The following IP6K3 variants were observed in gnomAD, a reference collection of about 807,000 sequenced individuals.
IP6K3 encodes ATP:1D-myo-inositol-hexakisphosphate phosphotransferase.
IP6K3 carries 20 observed loss-of-function variants against 28.8 expected under a neutral mutation model. The observed-to-expected ratio is 0.70, with a 90% CI of 0.49 to 1.01. The LOEUF is 1.01. Ranked by LOEUF, IP6K3 falls within the 50% of genes least tolerant of loss-of-function variation. IP6K3 has a pLI of 0.00. For synonymous variants in IP6K3, 213 were observed against 221.3 expected (o/e 0.96, Z 0.33); for missense variants, 480 against 537.1 (o/e 0.89, Z 1.05).
upstream of IP6K3, among the ~76,000 whole-genome samples, chr6:33,747,586 T>G (rs1026876299): frequency 2.0e-5 from 3 of 151,912 alleles, no homozygotes; most frequent in African/African-American, 7.3e-5. This position sits in a 1 kb window ranked among gnomAD's most constrained non-coding sequence, Gnocchi z 5.2. Flanking sequence ...CAGGGTCATT[T>G]GGTTGAGTGG....
chr6:33,729,016 T>G (rs1327441420), intron 2 of IP6K3, among the ~76,000 whole-genome samples: 1 of 152,208 alleles, frequency 6.6e-6, no homozygotes, highest in Admixed American at 6.5e-5. Flanking sequence ...TCCCCAACTG[T>G]GGTACATCCT....
chr6:33,744,047 C>T lies in IP6K3; in HGVS notation c.-180+2711G>A, dbSNP rs1766821184. ...AGAAACATGGGGGCAAGATGACTCA[C>T]GAAGTCAAGTGCCACTGGAAGGGCT... On this transcript the variant is annotated intron_variant, in intron 1 of 5. Coordinates refer to ENST00000293756, the MANE Select transcript of IP6K3 (RefSeq NM_054111.5). The surrounding 1 kb of genome is among the most constrained non-coding windows in gnomAD (Gnocchi z 4.4). Among the ~76,000 whole-genome samples, 1 of 152,104 alleles carries T rather than the reference C, an allele frequency of 6.6e-6. No homozygotes were observed. The highest frequency in any genetic ancestry group is 1.5e-5 in the Non-Finnish European group (1 of 68,036).
the IP6K3 span, among the ~76,000 whole-genome samples, chr6:33,752,138 G>T: frequency 6.6e-6 from 1 of 152,232 alleles, no homozygotes; most frequent in Non-Finnish European, 1.5e-5. Flanking sequence ...TTTAATCCAC[G>T]CAAGAGCCAA....
At chr6:33,740,571 T>G (rs1383060430) in intron 1 of IP6K3, among the ~76,000 whole-genome samples, 1 of 152,128 alleles carries the variant, frequency 6.6e-6, no homozygotes, top group Non-Finnish European at 1.5e-5. Context: ...CGTGAGTGGG[T>G]TTGGCTTCCA....
In IP6K3 at chr6:33,726,915, G is replaced by T. The variant is rs1200499613; in HGVS notation, c.414-9C>A. On this transcript the variant is annotated splice_polypyrimidine_tract_variant and intron_variant, in intron 3 of 5. Coordinates refer to ENST00000293756, the MANE Select transcript of IP6K3 (RefSeq NM_054111.5). ...GAAGAGCCTTGGCCGGGCTGCGGCG[G>T]AGTGGAGCACAGGACGGTCAGAGCA... 1.3e-6 allele frequency: 2 copies of T among 1,593,222 alleles called. No individual in the cohort carries two copies. Among genetic ancestry groups the T allele is most frequent in the Non-Finnish European group, 1.7e-6 (2 of 1,164,602 alleles).
Position 33,723,087 on chromosome 6 carries a change from T to C in IP6K3, c.866A>G (p.His289Arg). ...GFRQALYQFL[H>R]NGSHLRRELL... ...CTCCCTCCGGAGGTGGCTTCCATTA[T>C]GTAGGAACTGATAGAGGGCTTGTCT... Residue 289 changes from histidine to arginine, a missense_variant, in exon 6 of 6, where the codon CAT becomes CGT. Transcript: ENST00000293756. The C allele has an allele frequency of 6.2e-7, 1 of 1,614,214 alleles. No homozygotes were observed. Among genetic ancestry groups the C allele is most frequent in the Admixed American group, 1.7e-5 (1 of 60,028 alleles).
In IP6K3 at chr6:33,728,191, C is replaced by T. The variant is rs768197092; in HGVS notation, c.309G>A (p.Ala103=). Residue 103 remains alanine (A), a synonymous_variant, in exon 3 of 6, where the codon GCG becomes GCA. Coordinates refer to ENST00000293756, the MANE Select transcript of IP6K3 (RefSeq NM_054111.5). The part of the protein sequence containing the change: ...EPFKVSTESA[A]VAIWQTLQQT... ...GCTGGAGCGTCTGCCATATGGCCACCGCCGCCGACTCTGTGGAGACCTTGA... is the reference window on the plus strand; with the variant it reads ...GCTGGAGCGTCTGCCATATGGCCACTGCCGCCGACTCTGTGGAGACCTTGA... 2.3e-5 allele frequency: 37 copies of T among 1,613,764 alleles called. No homozygotes were observed. Among genetic ancestry groups the T allele is most frequent in the Non-Finnish European group, 3.0e-5 (35 of 1,180,056 alleles).
At position 33,725,565 on chromosome 6, in the gene IP6K3, A is replaced by G. The variant is rs1226375746; in HGVS notation, c.641T>C (p.Leu214Pro). Residue 214 changes from leucine (L) to proline (P), a missense_variant, in exon 5 of 6, where the codon CTG becomes CCG. Leu to Pro is a moderately conservative substitution (Grantham distance 98, BLOSUM62 -3). Coordinates refer to ENST00000293756, the MANE Select transcript of IP6K3 (RefSeq NM_054111.5). ...VVSQYTHPCV[L>P]DLKMGTRQHG... ...CTGCCGGGTCCCCATCTTCAGATCC[A>G]GGACACAGGGATGCGTGTACTGTGA... 1.2e-6 allele frequency: 2 copies of G among 1,614,092 alleles called. No individual in the cohort carries two copies. Among genetic ancestry groups the G allele is most frequent in the African/African-American group, 2.7e-5 (2 of 74,940 alleles).
chr6:33,755,606 T>C, the IP6K3 span, among the ~76,000 whole-genome samples: 113,473 of 152,218 alleles, frequency 0.75, 43,486 homozygotes, highest in East Asian at 0.96. Flanking sequence ...TTTTGTGTGG[T>C]GGCCCTCCCT....
intron 2 of IP6K3, among the ~76,000 whole-genome samples, chr6:33,729,446 G>A (rs947367116): frequency 1.3e-5 from 2 of 152,216 alleles, no homozygotes; most frequent in Admixed American, 1.3e-4. Flanking sequence ...GTATACCAGT[G>A]GCTCCCTTGC....
chr6:33,744,334 G>C lies in IP6K3; in HGVS notation c.-180+2424C>G, dbSNP rs1324561565. On this transcript the variant is annotated intron_variant, in intron 1 of 5. Coordinates refer to ENST00000293756, the MANE Select transcript of IP6K3 (RefSeq NM_054111.5). The surrounding 1 kb of genome is among the most constrained non-coding windows in gnomAD (Gnocchi z 4.4). ...TGCCTTCCTCTAAGTAATATGATCA[G>C]CCACCACCTGTCTTGTGCAAGAGAC... Among the ~76,000 whole-genome samples the C allele has an allele frequency of 6.6e-6, 1 of 152,184 alleles. No homozygotes were observed. Among genetic ancestry groups the C allele is most frequent in the African/African-American group, 2.4e-5 (1 of 41,444 alleles).
Position 33,725,467 on chromosome 6 carries a change from G to T in IP6K3, c.739C>A (p.Leu247Met). ...TGCATGCCGCAGATGCGCACACCCA[G>T]GCAGGCTGAGGTGCTCTGCGCACAC... is the stretch of plus-strand genomic sequence containing the variant. The part of the protein sequence containing the change: ...RKCAQSTSAC[L>M]GVRICGMQVY... The change falls in exon 5 of 6, where the codon CTG (leucine) becomes ATG (methionine). Residue 247 changes from leucine to methionine, a missense_variant. Coordinates refer to ENST00000293756, the MANE Select transcript of IP6K3 (RefSeq NM_054111.5). 1.9e-6 allele frequency: 3 copies of T among 1,612,464 alleles called. No individual in the cohort carries two copies. The highest frequency in any genetic ancestry group is 1.3e-5 in the African/African-American group (1 of 75,044).
the IP6K3 span, among the ~76,000 whole-genome samples, chr6:33,755,674 C>A: frequency 2.6e-5 from 4 of 152,234 alleles, no homozygotes; most frequent in Non-Finnish European, 4.4e-5. Flanking sequence ...GCCTGCCACA[C>A]CCACTGGGGG....
intron 1 of IP6K3, among the ~76,000 whole-genome samples, chr6:33,738,892 A>G (rs1766623481): frequency 6.6e-6 from 1 of 152,120 alleles, no homozygotes; most frequent in Admixed American, 6.5e-5. Context: ...CATTCAGTAC[A>G]TGGGCTAGGA....
At chr6:33,755,287 C>T in the IP6K3 span, among the ~76,000 whole-genome samples, 1 of 152,270 alleles carries the variant, frequency 6.6e-6, no homozygotes, top group African/African-American at 2.4e-5. Flanking sequence ...GCCCCCAGAG[C>T]TCCTCTGGTG....
the IP6K3 span, among the ~76,000 whole-genome samples, chr6:33,752,986 C>A: frequency 1.3e-5 from 2 of 152,078 alleles, no homozygotes; most frequent in Non-Finnish European, 2.9e-5. Context: ...TTCTGTTGCC[C>A]AGGCTGGATT....
the IP6K3 span, among the ~76,000 whole-genome samples, chr6:33,754,340 G>A: frequency 1.3e-5 from 2 of 152,262 alleles, no homozygotes; most frequent in African/African-American, 2.4e-5. Flanking sequence ...AGGAAGGTGC[G>A]GGGCTGGGGC....
At chr6:33,745,637 C>G (rs954805235) in intron 1 of IP6K3, among the ~76,000 whole-genome samples, 1 of 152,128 alleles carries the variant, frequency 6.6e-6, no homozygotes, top group Admixed American at 6.5e-5. Flanking sequence ...GACCCAATGC[C>G]TTTTGACTGG....
At chr6:33,723,828 C>T (rs1480251123) in intron 5 of IP6K3, among the ~76,000 whole-genome samples, 1 of 152,146 alleles carries the variant, frequency 6.6e-6, no homozygotes, top group Non-Finnish European at 1.5e-5. Context: ...GCTGGTGGCT[C>T]CTCTCCTTGG....
Sources: allele counts gnomAD v4.1 joint callset (sites outside exome capture counted in the v4.1 genomes callset), GRCh38; gene constraint gnomAD v4.1.1; non-coding constraint Gnocchi (gnomAD v3.1); transcripts MANE v1.5; gene names NCBI Gene and HGNC (gene_info 2026-07-23, HGNC 2026-07-21).